Variants in LMOD1 observed in about 807,000 individuals in gnomAD.
The protein encoded by LMOD1 is leiomodin-1.
In LMOD1, 8 loss-of-function variants were observed where a neutral mutation model predicts 36.5. The observed-to-expected ratio is 0.22, with a 90% CI of 0.13 to 0.40. The LOEUF is 0.40. Ranked by LOEUF, LMOD1 falls within the 10% of genes least tolerant of loss-of-function variation. The pLI is 1.00. For missense variants in LMOD1, 630 were observed against 751.1 expected (o/e 0.84, Z 1.88); for synonymous variants, 284 against 288.7 (o/e 0.98, Z 0.17).
At chr1:201,923,116 C>T (rs555009212) in intron 1 of LMOD1, among the ~76,000 whole-genome samples, 13 of 152,226 alleles carry the variant, frequency 8.5e-5, no homozygotes, top group East Asian at 1.9e-4. Context: ...TGAGCCACTG[C>T]GCCAGGCCAG....
chr1:201,928,594 G>C (rs1681867438), intron 1 of LMOD1, among the ~76,000 whole-genome samples: 1 of 152,228 alleles, frequency 6.6e-6, no homozygotes, highest in Admixed American at 6.5e-5. Context: ...TAGGAGAGCT[G>C]TATTACTTTT....
At chr1:201,929,738 C>A (rs887524911) in intron 1 of LMOD1, among the ~76,000 whole-genome samples, 2 of 152,148 alleles carry the variant, frequency 1.3e-5, no homozygotes, top group Non-Finnish European at 2.9e-5. Context: ...CAACAGGCAT[C>A]CATTAAGCCA....
intron 1 of LMOD1, among the ~76,000 whole-genome samples, chr1:201,907,175 G>A (rs1681425822): frequency 6.6e-6 from 1 of 152,220 alleles, no homozygotes; most frequent in African/African-American, 2.4e-5. Context: ...TGGGTCTTTA[G>A]ACAGTTGGCC....
chr1:201,901,188 T>C (rs189379191), intron 1 of LMOD1, among the ~76,000 whole-genome samples: 34 of 152,186 alleles, frequency 2.2e-4, no homozygotes, highest in East Asian at 1.5e-3. Flanking sequence ...TTGTGGACTT[T>C]TTGCATTCGT....
At chr1:201,945,842 C>G (rs1197724033) in intron 1 of LMOD1, among the ~76,000 whole-genome samples, 1 of 152,154 alleles carries the variant, frequency 6.6e-6, no homozygotes, top group Non-Finnish European at 1.5e-5. Context: ...ACTAGTAGCT[C>G]TATTTGATTT....
intron 1 of LMOD1, among the ~76,000 whole-genome samples, chr1:201,918,413 T>C (rs536529188): frequency 4.5e-4 from 69 of 152,330 alleles, no homozygotes; most frequent in African/African-American, 1.7e-3. Flanking sequence ...ATGGCTCCCA[T>C]GCTTTCAGGA....
In LMOD1 at chr1:201,897,328, A is replaced by G. The variant is rs1681212561; in HGVS notation, c.*1044T>C. The G allele has an allele frequency of 6.2e-6, 1 of 160,036 alleles. No individual in the cohort carries two copies. The highest frequency in any genetic ancestry group is 1.4e-5 in the Non-Finnish European group (1 of 71,926). The allele number at this position is 160,036 out of a possible 1,614,324, so 9.9% of individuals were successfully genotyped here. On this transcript the variant is annotated 3_prime_UTR_variant, in exon 3 of 3. Transcript: ENST00000367288. ...TGAACATGCCTAATATAGCCATCCC[A>G]GCACCCTGGGCTCCACTCTGCCCCA...
chr1:201,939,104 C>T (rs1682070423), intron 1 of LMOD1, among the ~76,000 whole-genome samples: 1 of 151,966 alleles, frequency 6.6e-6, no homozygotes, highest in Non-Finnish European at 1.5e-5. Context: ...TCCCCTTCCC[C>T]TCTCTCTTCA....
intron 1 of LMOD1, among the ~76,000 whole-genome samples, chr1:201,901,640 A>G (rs1440237411): frequency 2.6e-5 from 2 of 77,308 alleles, no homozygotes; most frequent in Admixed American, 1.8e-4. Context: ...GTATATATAT[A>G]TATATATACA....
chr1:201,904,505 C>T lies in LMOD1; in HGVS notation c.262-3754G>A, dbSNP rs140984199. On this transcript the variant is annotated intron_variant, in intron 1 of 2. Coordinates refer to ENST00000367288, the MANE Select transcript of LMOD1 (RefSeq NM_012134.3). The stretch of plus-strand genomic sequence containing the variant: ...GATTACAGGCGTGAGCCACCACGCC[C>T]AGCCTCAATTTAACCTTCTTTCTTC... Among the ~76,000 whole-genome samples the T allele has an allele frequency of 3.0e-3, 457 of 152,304 alleles. 2 individuals are homozygous for T. The highest frequency in any genetic ancestry group is 0.01 in the African/African-American group (416 of 41,560).
At chr1:201,905,875 A>C (rs934949544) in intron 1 of LMOD1, among the ~76,000 whole-genome samples, 1 of 152,220 alleles carries the variant, frequency 6.6e-6, no homozygotes, top group South Asian at 2.1e-4. Context: ...ACTAGCATTG[A>C]CTGCACCCTC....
At chr1:201,935,319 C>CTTTTT (rs35542093) in intron 1 of LMOD1, among the ~76,000 whole-genome samples, 1 of 138,266 alleles carries the variant, frequency 7.2e-6, no homozygotes, top group Non-Finnish European at 1.6e-5. Flanking sequence ...ATTTGATGTC[C>CTTTTT]TTTTTTTTTT....
At chr1:201,932,456 C>T (rs1287925481) in intron 1 of LMOD1, among the ~76,000 whole-genome samples, 1 of 151,758 alleles carries the variant, frequency 6.6e-6, no homozygotes, top group African/African-American at 2.4e-5. Flanking sequence ...AGATGTACTC[C>T]ATTAGAAACG....
intron 1 of LMOD1, among the ~76,000 whole-genome samples, chr1:201,903,546 T>C (rs966733520): frequency 3.9e-5 from 6 of 152,214 alleles, no homozygotes; most frequent in African/African-American, 1.4e-4. Flanking sequence ...GAGAGGAGTA[T>C]GCAAATAGAA....
chr1:201,916,862 C>T (rs1681620863), intron 1 of LMOD1, among the ~76,000 whole-genome samples: 1 of 152,156 alleles, frequency 6.6e-6, no homozygotes, highest in African/African-American at 2.4e-5. Flanking sequence ...CCTCCAGCTC[C>T]AGCATAAACA....
chr1:201,929,938 G>C (rs923539600), intron 1 of LMOD1, among the ~76,000 whole-genome samples: 1 of 152,162 alleles, frequency 6.6e-6, no homozygotes, highest in Non-Finnish European at 1.5e-5. Context: ...AGGCTGGGGG[G>C]GTCCGGAAAG....
intron 1 of LMOD1, among the ~76,000 whole-genome samples, chr1:201,907,644 AC>A (rs1287643975): frequency 6.6e-6 from 1 of 151,830 alleles, no homozygotes; most frequent in African/African-American, 2.4e-5. Flanking sequence ...CCCCAAACCC[AC>A]CCCAGTCCTA....
chr1:201,917,512 G>A (rs994230707), intron 1 of LMOD1, among the ~76,000 whole-genome samples: 2 of 152,054 alleles, frequency 1.3e-5, no homozygotes, highest in African/African-American at 4.8e-5. Flanking sequence ...AGATCTTCTC[G>A]GCCAATGAAG....
chr1:201,904,938 T>A (rs894743904), intron 1 of LMOD1, among the ~76,000 whole-genome samples: 1 of 152,242 alleles, frequency 6.6e-6, no homozygotes, highest in Non-Finnish European at 1.5e-5. Context: ...GGAAAACTTC[T>A]TCTTGCTTCC....
Sources: gnomAD v4.1 joint callset for allele counts (sites outside exome capture counted in the v4.1 genomes callset) on GRCh38, gnomAD v4.1.1 for gene constraint, MANE v1.5 for transcripts, NCBI Gene and HGNC (gene_info 2026-07-23, HGNC 2026-07-21) for gene names.